Variants in FBXL17 observed in about 807,000 individuals in gnomAD.
FBXL17 encodes the protein F-box and leucine rich repeat protein 17, also known as F-box/LRR-repeat protein 17.
In FBXL17, 22 loss-of-function variants were observed where a neutral mutation model predicts 66.2. That is an observed-to-expected ratio of 0.33 (90% CI 0.24 to 0.47). The LOEUF (loss-of-function observed/expected upper bound fraction) is 0.47, where lower values mean the gene tolerates loss of function less well. FBXL17 is among the 20% of genes least tolerant of loss of function. The pLI is 1.00. For synonymous variants in FBXL17, 474 were observed against 400.5 expected (o/e 1.18, Z -2.19); for missense variants, 878 against 948.2 (o/e 0.93, Z 0.97).
At chr5:108,128,204 C>T (rs1321732252) in intron 6 of FBXL17, among the ~76,000 whole-genome samples, 1 of 151,686 alleles carries the variant, frequency 6.6e-6, no homozygotes, top group Non-Finnish European at 1.5e-5. Context: ...CGAGATCATG[C>T]CACTGCATTC....
chr5:108,033,581 T>C (rs1319091683), intron 6 of FBXL17, among the ~76,000 whole-genome samples: 1 of 152,168 alleles, frequency 6.6e-6, no homozygotes, highest in Non-Finnish European at 1.5e-5. Flanking sequence ...GTTTTATCCA[T>C]TTTCTTTTGT....
At chr5:108,355,438 A>T (rs569737717) in intron 3 of FBXL17, among the ~76,000 whole-genome samples, 4 of 151,852 alleles carry the variant, frequency 2.6e-5, no homozygotes, top group Admixed American at 1.3e-4. Context: ...GTGCGCCACC[A>T]CACCTGGCTA....
intron 5 of FBXL17, among the ~76,000 whole-genome samples, chr5:108,188,529 A>G (rs1255384950): frequency 6.6e-6 from 1 of 152,228 alleles, no homozygotes; most frequent in African/African-American, 2.4e-5. Context: ...GGGTTCTTAC[A>G]AAGTTCCTAT....
rs182767133 is a variant in FBXL17 at position 108,079,402 on chromosome 5, C to T, written c.1746-58401G>A. Among the ~76,000 whole-genome samples the T allele has an allele frequency of 1.9e-4, 29 of 151,874 alleles. No homozygotes were observed. The East Asian group carries it at 2.7e-3, about 14-fold the overall frequency. On this transcript the variant is annotated intron_variant, in intron 6 of 8. Transcript: ENST00000542267. Reference sequence around the variant, plus strand: ...TTTTTGACATATTTCTGAAATAGGACGTCTGAAGATACAATTCCTGACTAC... The same window carrying T: ...TTTTTGACATATTTCTGAAATAGGATGTCTGAAGATACAATTCCTGACTAC...
intron 6 of FBXL17, among the ~76,000 whole-genome samples, chr5:108,099,490 G>GA (rs1371830898): frequency 6.6e-6 from 1 of 152,086 alleles, no homozygotes; most frequent in African/African-American, 2.4e-5. Context: ...CAAAAGATTA[G>GA]AAAAAATCAG....
intron 4 of FBXL17, among the ~76,000 whole-genome samples, chr5:108,326,309 T>A (rs1045293340): frequency 6.6e-6 from 1 of 151,862 alleles, no homozygotes; most frequent in African/African-American, 2.4e-5. Flanking sequence ...GGCAGAAGAT[T>A]TGGCTGGGCG....
At chr5:108,138,826 AC>A (rs1193328508) in intron 6 of FBXL17, among the ~76,000 whole-genome samples, 5 of 152,232 alleles carry the variant, frequency 3.3e-5, no homozygotes, top group African/African-American at 9.6e-5. Flanking sequence ...TGCAATATGG[AC>A]AAAATATGAA....
intron 6 of FBXL17, among the ~76,000 whole-genome samples, chr5:108,089,862 T>G (rs1184609306): frequency 6.6e-6 from 1 of 152,130 alleles, no homozygotes; most frequent in Non-Finnish European, 1.5e-5. Flanking sequence ...GGGTCTCACT[T>G]TGTCACCCAG....
chr5:107,866,430 T>C (rs1748277309), intron 8 of FBXL17, among the ~76,000 whole-genome samples: 1 of 152,220 alleles, frequency 6.6e-6, no homozygotes, highest in African/African-American at 2.4e-5. Flanking sequence ...TAACATCTAT[T>C]AGCACTTTGT....
In FBXL17 at chr5:108,381,620, G is replaced by C; in HGVS notation, c.72C>G (p.Cys24Trp). The change falls in exon 1 of 9, where the codon TGC (cysteine) becomes TGG (tryptophan). Residue 24 changes from cysteine to tryptophan, a missense_variant. By Grantham distance (215) the Cys-to-Trp change is radical (BLOSUM62 -2). Transcript: ENST00000542267. ...SQKRPRCCSW[C>W]RRRRPLLRLP... ...GCCTGAGGAGAGGGCGCCGGCGGCG[G>C]CACCAACTGCAACAGCGAGGCCTCT... The C allele has an allele frequency of 6.7e-7, 1 of 1,490,732 alleles. No individual in the cohort carries two copies. Among genetic ancestry groups the C allele is most frequent in the Non-Finnish European group, 8.9e-7 (1 of 1,125,336 alleles). 92.3% of individuals were successfully genotyped at this position (1,490,732 alleles called of 1,614,324 possible). A position where few individuals can be genotyped will look rare whatever the true frequency, so the allele number is the denominator to read the frequency against.
intron 6 of FBXL17, among the ~76,000 whole-genome samples, chr5:108,141,672 C>G (rs906199054): frequency 6.6e-6 from 1 of 152,174 alleles, no homozygotes; most frequent in African/African-American, 2.4e-5. Context: ...GAGAAATTTT[C>G]AAACACCTCA....
At chr5:107,976,302 A>G (rs1445765107) in intron 7 of FBXL17, among the ~76,000 whole-genome samples, 2 of 152,258 alleles carry the variant, frequency 1.3e-5, no homozygotes, top group East Asian at 3.8e-4. Context: ...TGAAGTAGGT[A>G]TAAGAATGTC....
At chr5:108,268,832 G>T (rs757809922) in intron 4 of FBXL17, among the ~76,000 whole-genome samples, 4 of 151,914 alleles carry the variant, frequency 2.6e-5, no homozygotes, top group Non-Finnish European at 4.4e-5. Flanking sequence ...TTTTAAGCTG[G>T]TCCTGAGAAT....
chr5:108,234,321 C>A (rs1755500490), intron 4 of FBXL17, among the ~76,000 whole-genome samples: 3 of 152,060 alleles, frequency 2.0e-5, no homozygotes, highest in African/African-American at 4.8e-5. Context: ...TAACGTGTGC[C>A]CAGCTAAGTC....
intron 5 of FBXL17, among the ~76,000 whole-genome samples, chr5:108,199,526 C>A (rs545115562): frequency 5.5e-4 from 83 of 152,112 alleles, no homozygotes; most frequent in Non-Finnish European, 8.8e-4. Flanking sequence ...GAACTTGTAG[C>A]TTTATTAGTC....
In FBXL17 at chr5:108,147,444, A is replaced by G. The variant is rs149358748; in HGVS notation, c.1745+38673T>C. ...ATGCCTGTAGTCCCAGCACTTTGGG[A>G]GGCAGAGATGGTGAGAGGATTGCTT... On this transcript the variant is annotated intron_variant, in intron 6 of 8. Coordinates refer to ENST00000542267, the MANE Select transcript of FBXL17 (RefSeq NM_001163315.3). 4.2e-3 allele frequency among the ~76,000 whole-genome samples: 644 copies of G among 152,240 alleles called. 3 individuals are homozygous for G. Among genetic ancestry groups the G allele is most frequent in the African/African-American group, 0.015 (615 of 41,546 alleles).
At chr5:108,129,653 T>C (rs549901263) in intron 6 of FBXL17, among the ~76,000 whole-genome samples, 1 of 152,132 alleles carries the variant, frequency 6.6e-6, no homozygotes, top group South Asian at 2.1e-4. Flanking sequence ...TGAGTAAAAA[T>C]ATGTCATGGT....
In FBXL17 at chr5:107,860,037, G is replaced by A. The variant is rs1317932415; in HGVS notation, c.*1683C>T. The A allele has an allele frequency of 2.0e-5, 3 of 152,010 alleles. No homozygotes were observed. Among genetic ancestry groups the A allele is most frequent in the Admixed American group, 1.3e-4 (2 of 15,262 alleles). The allele number at this position is 152,010 out of a possible 1,614,324, so 9.4% of individuals were successfully genotyped here. A position where few individuals can be genotyped will look rare whatever the true frequency, so the allele number is the denominator to read the frequency against. ...TAGTTATGGGAAGAATACTCATGGC[G>A]CTTACTGACTAGATTTTCCTAACCG... On this transcript the variant is annotated 3_prime_UTR_variant, in exon 9 of 9. Coordinates refer to ENST00000542267, the MANE Select transcript of FBXL17 (RefSeq NM_001163315.3).
chr5:107,978,618 G>T (rs904983014), intron 7 of FBXL17, among the ~76,000 whole-genome samples: 2 of 151,948 alleles, frequency 1.3e-5, no homozygotes, highest in African/African-American at 2.4e-5. Flanking sequence ...ATCTGTCTAT[G>T]GCCCTGACCC....
Sources: allele counts gnomAD v4.1 joint callset (sites outside exome capture counted in the v4.1 genomes callset), GRCh38; gene constraint gnomAD v4.1.1; transcripts MANE v1.5; gene names NCBI Gene and HGNC (gene_info 2026-07-23, HGNC 2026-07-21).